The following CIBAR1 variants were observed in gnomAD, a reference collection of about 807,000 sequenced individuals.
The protein encoded by CIBAR1 is CBY1 interacting BAR domain containing 1, also known as CBY1-interacting BAR domain-containing protein 1.
A neutral mutation model predicts 44.0 loss-of-function variants in CIBAR1; 25 were observed. The observed-to-expected ratio is 0.57, with a 90% CI of 0.41 to 0.79. CIBAR1 has a LOEUF of 0.79. Among genes scored for constraint, CIBAR1 ranks in the 30% least tolerant of loss-of-function variants. CIBAR1 has a pLI of 0.00. For missense variants in CIBAR1, 278 were observed against 344.8 expected (o/e 0.81, Z 1.53); for synonymous variants, 115 against 119.0 (o/e 0.97, Z 0.22).
intron 6 of CIBAR1, among the ~76,000 whole-genome samples, chr8:93,716,811 T>A (rs958716465): frequency 2.6e-5 from 4 of 152,252 alleles, no homozygotes; most frequent in African/African-American, 9.6e-5. Context: ...GTGTTTTGCA[T>A]GTGGTACGAC....
At position 93,728,510 on chromosome 8, in the gene CIBAR1, TTG is replaced by T; in HGVS notation, c.*217_*218del. On this transcript the variant is annotated 3_prime_UTR_variant, in exon 9 of 9. Coordinates refer to ENST00000518322, the MANE Select transcript of CIBAR1 (RefSeq NM_145269.5). ...CATCCTACCTAGTGTTACATGATTT[TTG>T]TGTAAGTGCCTTTTTTTTTAAAGAT... is the stretch of plus-strand genomic sequence containing the variant. 2.6e-6 allele frequency: 1 copy of T among 389,686 alleles called. No individual in the cohort carries two copies. The highest frequency in any genetic ancestry group is 2.1e-5 in the African/African-American group (1 of 47,494). The allele number at this position is 389,686 out of a possible 1,614,324, so 24.1% of individuals were successfully genotyped here. A position where few individuals can be genotyped will look rare whatever the true frequency, so the allele number is the denominator to read the frequency against.
chr8:93,713,345 T>C (rs1261798545), intron 6 of CIBAR1, among the ~76,000 whole-genome samples: 2 of 152,140 alleles, frequency 1.3e-5, no homozygotes, highest in Non-Finnish European at 2.9e-5. Context: ...TTTACCCTTA[T>C]TTTAACTGGA....
At chr8:93,720,855 G>A (rs896132981) in intron 7 of CIBAR1, 2 of 151,710 alleles carry the variant, frequency 1.3e-5, no homozygotes, top group African/African-American at 4.8e-5. Flanking sequence ...TGGCAACAGA[G>A]TGAGACTCCA....
rs186431606 is a variant in CIBAR1 at position 93,712,164 on chromosome 8, C to T, written c.543+2289C>T. 5.3e-4 allele frequency among the ~76,000 whole-genome samples: 80 copies of T among 152,302 alleles called. 1 individual carries two copies. Among genetic ancestry groups the T allele is most frequent in the Admixed American group, 3.4e-3 (52 of 15,290 alleles). ...GAGTGTATACACAGATATATATCAC[C>T]ACTCAATGTTAGAACATTGTCATCA... On this transcript the variant is annotated intron_variant, in intron 6 of 8. Coordinates refer to ENST00000518322, the MANE Select transcript of CIBAR1 (RefSeq NM_145269.5).
At chr8:93,724,172 A>G (rs561360698) in intron 7 of CIBAR1, among the ~76,000 whole-genome samples, 7 of 152,222 alleles carry the variant, frequency 4.6e-5, no homozygotes, top group Admixed American at 3.9e-4. Context: ...ACAGTGAGCT[A>G]TGACTGCACT....
intron 4 of CIBAR1, chr8:93,705,221 A>G (rs1810533310): frequency 1.2e-5 from 5 of 433,798 alleles, no homozygotes; most frequent in South Asian, 1.5e-4. Flanking sequence ...TACACAGTAG[A>G]CTTTGCAAAC....
chr8:93,726,376 A>G lies in CIBAR1; in HGVS notation c.658-18A>G, dbSNP rs1811501807. 5.6e-6 allele frequency: 9 copies of G among 1,604,980 alleles called. No homozygotes were observed. Among genetic ancestry groups the G allele is most frequent in the Non-Finnish European group, 6.8e-6 (8 of 1,174,036 alleles). ...TGTTTAGCATCTACTTTATAATGCTATTTTATCATTACAATAGGTTTTCCG... is the reference window on the plus strand; with the variant it reads ...TGTTTAGCATCTACTTTATAATGCTGTTTTATCATTACAATAGGTTTTCCG... On this transcript the variant is annotated intron_variant, in intron 7 of 8. Coordinates refer to ENST00000518322, the MANE Select transcript of CIBAR1 (RefSeq NM_145269.5).
In CIBAR1 at chr8:93,701,434, A is replaced by G; in HGVS notation, c.237A>G (p.Lys79=). Residue 79 remains lysine, a synonymous_variant, in exon 2 of 9, where the codon AAA becomes AAG. Coordinates refer to ENST00000518322, the MANE Select transcript of CIBAR1 (RefSeq NM_145269.5). ...GLMNFADEFA[K]LQDYRQAEVE... is the part of the protein sequence containing the mutation. ...TGAACTTTGCAGATGAGTTTGCCAA[A>G]CTTCAGGATTATCGACAAGCAGAGG... The G allele has an allele frequency of 6.2e-7, 1 of 1,613,534 alleles. No homozygotes were observed. Among genetic ancestry groups the G allele is most frequent in the Non-Finnish European group, 8.5e-7 (1 of 1,179,800 alleles).
At chr8:93,709,592 C>A (rs980001079) in intron 5 of CIBAR1, 179 bp from the exon 6 acceptor site, 4 of 558,932 alleles carry the variant, frequency 7.2e-6, no homozygotes, top group African/African-American at 5.7e-5. Context: ...AAATAAAGTT[C>A]TTTATTCTGC....
chr8:93,709,889 T>G lies in CIBAR1; in HGVS notation c.543+14T>G, dbSNP rs757973150. 54 of 1,562,200 alleles carry G rather than the reference T, an allele frequency of 3.5e-5. No homozygotes were observed. The highest frequency in any genetic ancestry group is 4.7e-5 in the Non-Finnish European group (54 of 1,140,078). ...AAGGATATAAAGGTAATAAAGTAAC[T>G]GTTAGGGTTCAAAACATGTTTTTAA... On this transcript the variant is annotated intron_variant, in intron 6 of 8. Transcript: ENST00000518322.
rs559188623 is a variant in CIBAR1, at chr8:93,714,939, T to C, written c.544-3736T>C. ...AACGGAACATTCCTATTCTTACCTG[T>C]TATCAGGCTACTGCTTCTGATAAGG... On this transcript the variant is annotated intron_variant, in intron 6 of 8. Transcript: ENST00000518322. Among the ~76,000 whole-genome samples the C allele has an allele frequency of 9.8e-5, 15 of 152,360 alleles. No homozygotes were observed. In the East Asian group the frequency reaches 2.9e-3, roughly 29 times the overall value.
intron 7 of CIBAR1, chr8:93,725,791 A>C (rs192803137): frequency 6.6e-6 from 1 of 152,322 alleles, no homozygotes; most frequent in East Asian, 1.9e-4. Context: ...GGGAAAGTTC[A>C]AGAGATTCAT....
chr8:93,710,009 G>A (rs1810758892), intron 6 of CIBAR1, 134 bp downstream of exon 6: 2 of 643,930 alleles, frequency 3.1e-6, no homozygotes, highest in Admixed American at 5.6e-5. Context: ...AAGGGGGCGG[G>A]CACAGTGGCT....
At chr8:93,700,927 G>A in intron 1 of CIBAR1, 1 of 1,362,142 alleles carries the variant, frequency 7.3e-7, no homozygotes, top group Non-Finnish European at 9.4e-7. Flanking sequence ...CGCGGGCAGT[G>A]CGGAAGCCTA....
At chr8:93,704,229 A>AT (rs2130284558) in intron 3 of CIBAR1, among the ~76,000 whole-genome samples, 1 of 152,324 alleles carries the variant, frequency 6.6e-6, no homozygotes, top group South Asian at 2.1e-4. Flanking sequence ...TATGAAAAAT[A>AT]TATGGACAGA....
chr8:93,702,709 CAT>C (rs144459688), intron 2 of CIBAR1, among the ~76,000 whole-genome samples: 1,560 of 152,118 alleles, frequency 0.01, 23 homozygotes, highest in African/African-American at 0.036. Flanking sequence ...ATTTTCCTAA[CAT>C]GTTTTAAAAT....
At chr8:93,716,819 G>A (rs901175680) in intron 6 of CIBAR1, among the ~76,000 whole-genome samples, 7 of 152,142 alleles carry the variant, frequency 4.6e-5, no homozygotes, top group African/African-American at 1.7e-4. Flanking sequence ...CATGTGGTAC[G>A]ACATGGATAT....
chr8:93,714,942 T>A (rs996960158), intron 6 of CIBAR1, among the ~76,000 whole-genome samples: 1 of 152,358 alleles, frequency 6.6e-6, no homozygotes, highest in South Asian at 2.1e-4. Flanking sequence ...TTACCTGTTA[T>A]CAGGCTACTG....
Position 93,709,866 on chromosome 8 carries a change from G to A in CIBAR1, c.534G>A (p.Lys178=), listed in dbSNP as rs113840650. The part of the protein sequence containing the change: ...TINNFERQKM[K]DIKTIFSEFI... ...ACAACTTTGAAAGGCAGAAAATGAA[G>A]GATATAAAGGTAATAAAGTAACTGT... is the stretch of plus-strand genomic sequence containing the variant. The change falls in exon 6 of 9, where the codon AAG becomes AAA. Residue 178 remains lysine, a synonymous_variant. Transcript: ENST00000518322. 10,941 of 1,607,506 alleles carry A rather than the reference G, an allele frequency of 6.8e-3. 27 individuals carry two copies. Among genetic ancestry groups the A allele is most frequent in the Non-Finnish European group, 8.2e-3 (9,585 of 1,175,848 alleles).
Sources: gnomAD v4.1 joint callset for allele counts (sites outside exome capture counted in the v4.1 genomes callset) on GRCh38, gnomAD v4.1.1 for gene constraint, MANE v1.5 for transcripts, NCBI Gene and HGNC (gene_info 2026-07-23, HGNC 2026-07-21) for gene names.